Variants in ALG14 observed in about 807,000 individuals in gnomAD.
The protein encoded by ALG14 is UDP-N-acetylglucosamine transferase subunit ALG14.
A neutral mutation model predicts 22.8 loss-of-function variants in ALG14; 17 were observed. That is an observed-to-expected ratio of 0.75 (90% CI 0.51 to 1.12). The LOEUF is 1.12. Among genes scored for constraint, ALG14 ranks in the 50% most tolerant of loss-of-function variants. ALG14 has a pLI of 0.00. For synonymous variants in ALG14, 89 were observed against 103.7 expected, an observed-to-expected ratio of 0.86 and a Z score of 0.86; for missense variants, 288 against 271.8, an observed-to-expected ratio of 1.06 and a Z score of -0.42.
intron 1 of ALG14, among the ~76,000 whole-genome samples, chr1:95,068,317 T>C (rs1331388074): frequency 6.6e-6 from 1 of 152,230 alleles, no homozygotes; most frequent in Non-Finnish European, 1.5e-5. Context: ...TTTTATTTTT[T>C]TGAGATGGAG....
chr1:95,026,933 T>G (rs976600068), intron 3 of ALG14, among the ~76,000 whole-genome samples, 196 bp downstream of exon 3: 2 of 152,158 alleles, frequency 1.3e-5, no homozygotes, highest in Non-Finnish European at 2.9e-5. Context: ...CTGGGTGGCT[T>G]ATAAAGAACT....
intron 2 of ALG14, among the ~76,000 whole-genome samples, chr1:95,060,094 C>A (rs1675083392): frequency 6.6e-6 from 1 of 151,640 alleles, no homozygotes; most frequent in African/African-American, 2.4e-5. Flanking sequence ...CTTTGTCTTT[C>A]TGTCCTTCAC....
intron 3 of ALG14, among the ~76,000 whole-genome samples, chr1:94,987,531 C>CATAG (rs1672674604): frequency 6.6e-6 from 1 of 152,094 alleles, no homozygotes. Flanking sequence ...AGGTCATGAG[C>CATAG]ATAGATGAGC....
At chr1:94,991,596 G>A (rs1340505007) in intron 3 of ALG14, among the ~76,000 whole-genome samples, 1 of 152,168 alleles carries the variant, frequency 6.6e-6, no homozygotes, top group Non-Finnish European at 1.5e-5. Flanking sequence ...TGCTCTAGGT[G>A]AGTCAGTGAG....
At chr1:95,045,502 T>G (rs915221782) in intron 2 of ALG14, among the ~76,000 whole-genome samples, 4 of 152,082 alleles carry the variant, frequency 2.6e-5, no homozygotes, top group Admixed American at 1.3e-4. Context: ...ATCAATGTGA[T>G]TTAAAGAAGA....
Position 94,983,215 on chromosome 1 carries a change from T to G in ALG14, c.512A>C (p.Tyr171Ser). ...ILGIKKVIIVYVESICRVETL... is the reference protein window; with the variant it reads ...ILGIKKVIIVSVESICRVETL... Reference sequence around the variant, plus strand: ...TTCTACACGGCAGATGCTTTCAACGTAGACAATGATCACTTTCTTTATTCC... The same window carrying G: ...TTCTACACGGCAGATGCTTTCAACGGAGACAATGATCACTTTCTTTATTCC... The change falls in exon 4 of 4, where the codon TAC becomes TCC. Residue 171 changes from tyrosine to serine, a missense_variant. Physicochemically the swap from Tyr to Ser is moderately radical, Grantham distance 144. Transcript: ENST00000370205. 1 of 1,614,142 alleles carries G rather than the reference T, an allele frequency of 6.2e-7. No homozygotes were observed. The highest frequency in any genetic ancestry group is 2.2e-5 in the East Asian group (1 of 44,878).
chr1:95,068,032 C>G (rs1170837366), intron 1 of ALG14, among the ~76,000 whole-genome samples: 1 of 152,166 alleles, frequency 6.6e-6, no homozygotes, highest in Non-Finnish European at 1.5e-5. Flanking sequence ...TAGTGTTTAT[C>G]ACTGCATAAC....
chr1:95,016,821 T>G (rs940434184), intron 3 of ALG14, among the ~76,000 whole-genome samples: 2 of 151,986 alleles, frequency 1.3e-5, no homozygotes, highest in Non-Finnish European at 1.5e-5. Context: ...TCAGGGAACC[T>G]ACAAAAATGA....
chr1:95,056,864 CTGGCCAACATAGTGAAACCCTGTCT>C (rs138443238), intron 2 of ALG14, among the ~76,000 whole-genome samples: 13,680 of 151,642 alleles, frequency 0.09, 968 homozygotes, highest in African/African-American at 0.17. Context: ...CGAGACCAGC[CTGGCCAACATAGTGAAACCCTGTCT>C]CTACTAAAAA....
At chr1:94,993,274 A>G (rs927918330) in intron 3 of ALG14, among the ~76,000 whole-genome samples, 1 of 146,218 alleles carries the variant, frequency 6.8e-6, no homozygotes, top group African/African-American at 2.5e-5. Flanking sequence ...TATATATTAT[A>G]ATATATTTAT....
intron 2 of ALG14, among the ~76,000 whole-genome samples, chr1:95,053,298 G>T (rs368575395): frequency 6.6e-6 from 1 of 151,886 alleles, no homozygotes; most frequent in Non-Finnish European, 1.5e-5. Flanking sequence ...AGCATTATTA[G>T]GGATAAAATG....
At chr1:94,990,544 A>G (rs1472780252) in intron 3 of ALG14, among the ~76,000 whole-genome samples, 1 of 152,208 alleles carries the variant, frequency 6.6e-6, no homozygotes, top group South Asian at 2.1e-4. Context: ...TTGTGTATAC[A>G]GCATTTTGGG....
At chr1:95,063,033 C>T (rs904045841) in intron 2 of ALG14, among the ~76,000 whole-genome samples, 3 of 152,262 alleles carry the variant, frequency 2.0e-5, no homozygotes, top group East Asian at 1.9e-4. Context: ...TTTTGATTTG[C>T]GTTTCTCTAA....
intron 3 of ALG14, among the ~76,000 whole-genome samples, chr1:95,014,332 A>C (rs1673445543): frequency 6.6e-6 from 1 of 152,238 alleles, no homozygotes; most frequent in South Asian, 2.1e-4. Flanking sequence ...TAGTTTGTGC[A>C]GCCTGGAATA....
At chr1:95,027,371 C>A in intron 2 of ALG14, 111 bp from the exon 3 acceptor site, 1 of 1,292,502 alleles carries the variant, frequency 7.7e-7, no homozygotes, top group Non-Finnish European at 1.1e-6. Context: ...TTTAAATTTT[C>A]ATTCTAACCA....
intron 2 of ALG14, among the ~76,000 whole-genome samples, chr1:95,049,561 A>G (rs1386824825): frequency 6.6e-6 from 1 of 152,012 alleles, no homozygotes; most frequent in Non-Finnish European, 1.5e-5. Context: ...AAAATAAAAA[A>G]TAAGGGCCAG....
intron 2 of ALG14, among the ~76,000 whole-genome samples, chr1:95,027,765 A>C (rs942994536): frequency 1.3e-5 from 2 of 152,370 alleles, no homozygotes; most frequent in South Asian, 4.1e-4. Flanking sequence ...GGGGAAATAG[A>C]CATTTACATT....
At chr1:95,027,094 T>C in intron 3 of ALG14, 35 bp downstream of exon 3, 1 of 1,610,640 alleles carries the variant, frequency 6.2e-7, no homozygotes, top group Non-Finnish European at 8.5e-7. Flanking sequence ...CTACAGGGAG[T>C]TACTTTCTCT....
intron 1 of ALG14, among the ~76,000 whole-genome samples, chr1:95,065,631 C>A (rs1675333747): frequency 6.6e-6 from 1 of 152,162 alleles, no homozygotes; most frequent in South Asian, 2.1e-4. Flanking sequence ...AAGCCAGTCA[C>A]TGAAGGTTCT....
Sources: allele counts gnomAD v4.1 joint callset (sites outside exome capture counted in the v4.1 genomes callset), GRCh38; gene constraint gnomAD v4.1.1; transcripts MANE v1.5; gene names NCBI Gene and HGNC (gene_info 2026-07-23, HGNC 2026-07-21).